ENTPD4: variants seen among roughly 807,000 people sequenced by gnomAD.
ENTPD4 encodes Golgi UDPase.
ENTPD4 carries 60 observed loss-of-function variants against 79.1 expected under a neutral mutation model. The observed-to-expected ratio is 0.76, with a 90% CI of 0.62 to 0.94. The LOEUF is 0.94. Ranked by LOEUF, ENTPD4 falls within the 40% of genes least tolerant of loss-of-function variation. The pLI, the probability that ENTPD4 is intolerant of heterozygous loss-of-function variation, is 0.00. For missense variants in ENTPD4, 772 were observed against 775.1 expected (o/e 1.00, Z 0.05); for synonymous variants, 276 against 292.0 (o/e 0.95, Z 0.56).
Position 23,430,198 on chromosome 8 carries a change from C to T in ENTPD4, c.*2728G>A, listed in dbSNP as rs1800430603. ...GCTGTCTTCACCTACGCGAGACCTT[C>T]TCTGGAATGTGATTTGCTGCGACTG... On this transcript the variant is annotated 3_prime_UTR_variant, in exon 13 of 13. Coordinates refer to ENST00000358689, the MANE Select transcript of ENTPD4 (RefSeq NM_004901.5). 1.0e-6 allele frequency: 1 copy of T among 985,430 alleles called. No individual in the cohort carries two copies. Among genetic ancestry groups the T allele is most frequent in the African/African-American group, 1.7e-5 (1 of 57,362 alleles). 61.0% of individuals were successfully genotyped at this position (985,430 alleles called of 1,614,324 possible). A position where few individuals can be genotyped will look rare whatever the true frequency, so the allele number is the denominator to read the frequency against.
intron 9 of ENTPD4, 23 bp downstream of exon 9, chr8:23,439,726 C>A: frequency 6.2e-7 from 1 of 1,611,704 alleles, no homozygotes; most frequent in Admixed American, 1.7e-5. Context: ...CAAATGACTG[C>A]CAAGTAGTGA....
At chr8:23,457,375 G>A (rs1294107391) in intron 1 of ENTPD4, among the ~76,000 whole-genome samples, 182 bp downstream of exon 1, 1 of 152,102 alleles carries the variant, frequency 6.6e-6, no homozygotes, top group Admixed American at 6.6e-5. Context: ...GCTCGGATGT[G>A]GCCGCGCGGC....
chr8:23,430,275 C>A lies in ENTPD4; in HGVS notation c.*2651G>T, dbSNP rs1175733341. On this transcript the variant is annotated 3_prime_UTR_variant, in exon 13 of 13. Coordinates refer to ENST00000358689, the MANE Select transcript of ENTPD4 (RefSeq NM_004901.5). ...CTCCCTTGAGTGGTCTCTTTTTAAA[C>A]AATTTTGGGTGAGGGGCAGGTTTCT... The A allele has an allele frequency of 1.0e-6, 1 of 985,396 alleles. No individual in the cohort carries two copies. Among genetic ancestry groups the A allele is most frequent in the East Asian group, 1.1e-4 (1 of 8,814 alleles). The allele number at this position is 985,396 out of a possible 1,614,324, so 61.0% of individuals were successfully genotyped here.
intron 6 of ENTPD4, among the ~76,000 whole-genome samples, 159 bp downstream of exon 6, chr8:23,443,691 T>G (rs962067499): frequency 1.3e-5 from 2 of 152,228 alleles, no homozygotes; most frequent in Non-Finnish European, 2.9e-5. Context: ...ACTAGTCATA[T>G]AAGAAACTGA....
intron 5 of ENTPD4, 41 bp downstream of exon 5, chr8:23,444,415 C>T (rs1478120453): frequency 1.9e-6 from 3 of 1,591,654 alleles, no homozygotes; most frequent in South Asian, 2.2e-5. Context: ...CTCTCCCCTC[C>T]AGGAACCCAC....
At position 23,430,176 on chromosome 8, in the gene ENTPD4, G is replaced by A. The variant is rs1800429978; in HGVS notation, c.*2750C>T. On this transcript the variant is annotated 3_prime_UTR_variant, in exon 13 of 13. Coordinates refer to ENST00000358689, the MANE Select transcript of ENTPD4 (RefSeq NM_004901.5). ...TATCTCTTAGAGAAAGCACCTGGCTGTCTTCACCTACGCGAGACCTTCTCT... is the reference window on the plus strand; with the variant it reads ...TATCTCTTAGAGAAAGCACCTGGCTATCTTCACCTACGCGAGACCTTCTCT... 1 of 985,342 alleles carries A rather than the reference G, an allele frequency of 1.0e-6. No homozygotes were observed. The highest frequency in any genetic ancestry group is 6.1e-5 in the Admixed American group (1 of 16,268). The allele number at this position is 985,342 out of a possible 1,614,324, so 61.0% of individuals were successfully genotyped here.
intron 1 of ENTPD4, among the ~76,000 whole-genome samples, chr8:23,456,576 T>C (rs1261760277): frequency 6.6e-6 from 1 of 152,204 alleles, no homozygotes; most frequent in African/African-American, 2.4e-5. Flanking sequence ...ATATAAGCCA[T>C]AGATTCAACA....
Position 23,432,988 on chromosome 8 carries a change from A to C in ENTPD4, c.1789T>G (p.Ser597Ala). 6.2e-7 allele frequency: 1 copy of C among 1,613,776 alleles called. No individual in the cohort carries two copies. The highest frequency in any genetic ancestry group is 8.5e-7 in the Non-Finnish European group (1 of 1,179,840). Residue 597 changes from serine to alanine, a missense_variant, in exon 13 of 13, where the codon TCG becomes GCG. Coordinates refer to ENST00000358689, the MANE Select transcript of ENTPD4 (RefSeq NM_004901.5). ...TCCTCCATCCAGAGGGCGGCGGCCG[A>C]GCTGCTCCGGGGAGTGCGCCTGTGG... ...RIHRRTPRSS[S>A]AAALWMEEGL...
At chr8:23,441,131 C>A (rs1425486143) in intron 8 of ENTPD4, among the ~76,000 whole-genome samples, 2 of 152,138 alleles carry the variant, frequency 1.3e-5, no homozygotes, top group Non-Finnish European at 1.5e-5. Flanking sequence ...GAGTAAACCA[C>A]CAGTTGAAAG....
In ENTPD4 at chr8:23,431,090, G is replaced by A. The variant is rs1029289853; in HGVS notation, c.*1836C>T. On this transcript the variant is annotated 3_prime_UTR_variant, in exon 13 of 13. Coordinates refer to ENST00000358689, the MANE Select transcript of ENTPD4 (RefSeq NM_004901.5). ...TGCATTTTACCTTCCAGAGACGCAG[G>A]TTAAGCTGCACCTGAGGCAGTTTGA... 1.6e-6 allele frequency: 1 copy of A among 628,782 alleles called. No homozygotes were observed. Among genetic ancestry groups the A allele is most frequent in the Non-Finnish European group, 2.0e-6 (1 of 504,516 alleles). 39.0% of individuals were successfully genotyped at this position (628,782 alleles called of 1,614,324 possible).
chr8:23,451,348 A>C (rs899283957), intron 1 of ENTPD4, among the ~76,000 whole-genome samples: 1 of 152,004 alleles, frequency 6.6e-6, no homozygotes, highest in African/African-American at 2.4e-5. Flanking sequence ...AGATTCCTTT[A>C]ATTTCTTTAA....
chr8:23,444,729 C>T (rs1356870126), intron 4 of ENTPD4, 123 bp from the exon 5 acceptor site: 18 of 807,436 alleles, frequency 2.2e-5, no homozygotes, highest in Non-Finnish European at 3.2e-5. Context: ...TTTTTCCTAT[C>T]CTTCTAGCAA....
chr8:23,446,342 T>C lies in ENTPD4; in HGVS notation c.412+1338A>G, dbSNP rs944647994. Among the ~76,000 whole-genome samples, 3 of 152,198 alleles carry C rather than the reference T, an allele frequency of 2.0e-5. No homozygotes were observed. In the East Asian group the frequency reaches 5.8e-4, roughly 29 times the overall value. On this transcript the variant is annotated intron_variant, in intron 4 of 12. Transcript: ENST00000358689. ...CTGTTTAGTCACTGATGGGACCTGGTACGTGAAGCTAGATGAAATGTAAAA... is the reference window on the plus strand; with the variant it reads ...CTGTTTAGTCACTGATGGGACCTGGCACGTGAAGCTAGATGAAATGTAAAA...
At chr8:23,450,303 G>T (rs1414021405) in intron 1 of ENTPD4, among the ~76,000 whole-genome samples, 1 of 152,174 alleles carries the variant, frequency 6.6e-6, no homozygotes, top group Non-Finnish European at 1.5e-5. Flanking sequence ...AGGGAGATTT[G>T]GGGTGGAGGT....
At chr8:23,453,528 A>T (rs550406886) in intron 1 of ENTPD4, among the ~76,000 whole-genome samples, 52 of 152,382 alleles carry the variant, frequency 3.4e-4, no homozygotes, top group African/African-American at 1.1e-3. Context: ...AGACAATTTG[A>T]GATTATTGAA....
Position 23,443,905 on chromosome 8 carries a change from G to A in ENTPD4, c.612C>T (p.His204=), listed in dbSNP as rs781701583. 35 of 1,613,750 alleles carry A rather than the reference G, an allele frequency of 2.2e-5. No homozygotes were observed. In the South Asian group the frequency reaches 3.8e-4, roughly 18 times the overall value. ...GAGAGTCAGAAAACAGAAAGTCAAA[G>A]TGCACGGGGATATCGGTCAGAAGGT... ...LEDLLTDIPV[H]FDFLFSDSHA... Residue 204 remains histidine (H), a synonymous_variant, in exon 6 of 13, where the codon CAC becomes CAT. Transcript: ENST00000358689.
rs765152904 is a variant in ENTPD4, at chr8:23,431,627, G to A, written c.*1299C>T. The A allele has an allele frequency of 2.0e-6, 2 of 985,302 alleles. No individual in the cohort carries two copies. Among genetic ancestry groups the A allele is most frequent in the South Asian group, 4.7e-5 (1 of 21,296 alleles). The allele number at this position is 985,302 out of a possible 1,614,324, so 61.0% of individuals were successfully genotyped here. On this transcript the variant is annotated 3_prime_UTR_variant, in exon 13 of 13. Coordinates refer to ENST00000358689, the MANE Select transcript of ENTPD4 (RefSeq NM_004901.5). ...GCCTCAGTCAATGCGGTTAGGAAGA[G>A]GACTCGGCAGGCTGTGCATGGGGTC... is the stretch of plus-strand genomic sequence containing the variant.
Position 23,432,783 on chromosome 8 carries a change from C to T in ENTPD4, c.*143G>A. On this transcript the variant is annotated 3_prime_UTR_variant, in exon 13 of 13. Coordinates refer to ENST00000358689, the MANE Select transcript of ENTPD4 (RefSeq NM_004901.5). ...AAAGTGCTGGGATTACAGGCGTGAG[C>T]CACCGCGCTCGGCCTGCATTTTGTT... 1 of 1,433,346 alleles carries T rather than the reference C, an allele frequency of 7.0e-7. No homozygotes were observed. The highest frequency in any genetic ancestry group is 1.5e-5 in the South Asian group (1 of 66,284). 88.8% of individuals were successfully genotyped at this position (1,433,346 alleles called of 1,614,324 possible). A position where few individuals can be genotyped will look rare whatever the true frequency, so the allele number is the denominator to read the frequency against.
rs1800416147 is a variant in ENTPD4, at chr8:23,429,329, G to A, written c.*3597C>T. 9 of 985,054 alleles carry A rather than the reference G, an allele frequency of 9.1e-6. No homozygotes were observed. In the South Asian group the frequency reaches 3.8e-4, roughly 41 times the overall value. The allele number at this position is 985,054 out of a possible 1,614,324, so 61.0% of individuals were successfully genotyped here. A position where few individuals can be genotyped will look rare whatever the true frequency, so the allele number is the denominator to read the frequency against. On this transcript the variant is annotated 3_prime_UTR_variant, in exon 13 of 13. Coordinates refer to ENST00000358689, the MANE Select transcript of ENTPD4 (RefSeq NM_004901.5). The stretch of plus-strand genomic sequence containing the variant: ...AAAAAACATTTAAAGATGCTCCCTT[G>A]CTTTTTATAATTCCTAACTGTAAAA...
Sources: allele counts gnomAD v4.1 joint callset (sites outside exome capture counted in the v4.1 genomes callset), GRCh38; gene constraint gnomAD v4.1.1; transcripts MANE v1.5; gene names NCBI Gene and HGNC (gene_info 2026-07-23, HGNC 2026-07-21).